The following RIT2 variants were observed in gnomAD, a reference collection of about 807,000 sequenced individuals.
RIT2 encodes the protein GTP-binding protein Rit2.
A neutral mutation model predicts 23.7 loss-of-function variants in RIT2; 24 were observed. The ratio of observed to expected loss-of-function variants is 1.01; its 90% CI spans 0.73 to 1.43. The LOEUF is 1.43. Ranked by LOEUF, RIT2 falls within the 40% of genes most tolerant of loss-of-function variation. The pLI, the probability that RIT2 is intolerant of heterozygous loss-of-function variation, is 0.00. For missense variants in RIT2, 236 were observed against 266.9 expected (o/e 0.88, Z 0.81); for synonymous variants, 107 against 91.1 (o/e 1.17, Z -0.99).
At chr18:43,043,954 T>C (rs1415383611) in intron 1 of RIT2, among the ~76,000 whole-genome samples, 2 of 152,090 alleles carry the variant, frequency 1.3e-5, no homozygotes, top group Non-Finnish European at 2.9e-5. Flanking sequence ...CAAGAATCCA[T>C]AGCACAGGAT....
intron 4 of RIT2, among the ~76,000 whole-genome samples, chr18:42,817,882 G>A (rs961838886): frequency 4.6e-5 from 7 of 151,992 alleles, no homozygotes. Flanking sequence ...AGCATCCAAT[G>A]AGTAGACATT....
chr18:42,800,205 T>C (rs1248639390), intron 4 of RIT2, among the ~76,000 whole-genome samples: 1 of 152,252 alleles, frequency 6.6e-6, no homozygotes, highest in African/African-American at 2.4e-5. Context: ...ATCATTTCTT[T>C]CTTATGTTGC....
intron 1 of RIT2, among the ~76,000 whole-genome samples, chr18:43,049,155 C>T (rs1419217633): frequency 3.3e-5 from 5 of 152,124 alleles, no homozygotes; most frequent in South Asian, 2.1e-4. Context: ...CCAGCACTGA[C>T]GGACATGATG....
At chr18:42,746,131 T>C (rs1418527496) in intron 4 of RIT2, among the ~76,000 whole-genome samples, 1 of 152,096 alleles carries the variant, frequency 6.6e-6, no homozygotes, top group Admixed American at 6.6e-5. Flanking sequence ...TGGGAAATGA[T>C]ATTCCCATAA....
intron 4 of RIT2, among the ~76,000 whole-genome samples, chr18:42,816,309 TC>T (rs1214467513): frequency 6.6e-6 from 1 of 152,164 alleles, no homozygotes; most frequent in African/African-American, 2.4e-5. Flanking sequence ...GGGAGCCAAC[TC>T]TAACACACCA....
rs573032004 is a variant in RIT2, at chr18:42,934,458, T to A, written c.235-10695A>T. Among the ~76,000 whole-genome samples the A allele has an allele frequency of 3.9e-5, 6 of 152,314 alleles. No individual in the cohort carries two copies. In the South Asian group the frequency reaches 1.2e-3, roughly 32 times the overall value. ...GGAAAAATATGGGGATAATGGAGAA[T>A]GATGAGATAATGAGGATATTTGAGT... On this transcript the variant is annotated intron_variant, in intron 3 of 4. Transcript: ENST00000326695.
At chr18:42,814,251 G>T (rs548536428) in intron 4 of RIT2, among the ~76,000 whole-genome samples, 4 of 152,186 alleles carry the variant, frequency 2.6e-5, no homozygotes, top group Non-Finnish European at 5.9e-5. Flanking sequence ...AATCTGGTGT[G>T]CAGACTCCAC....
At chr18:42,891,077 A>T (rs1300608791) in intron 4 of RIT2, among the ~76,000 whole-genome samples, 1 of 152,076 alleles carries the variant, frequency 6.6e-6, no homozygotes, top group Non-Finnish European at 1.5e-5. Context: ...TTAGTGACTA[A>T]AAAAGAGGAA....
intron 2 of RIT2, among the ~76,000 whole-genome samples, chr18:42,981,117 G>T (rs1910588172): frequency 6.6e-6 from 1 of 152,080 alleles, no homozygotes; most frequent in Non-Finnish European, 1.5e-5. Context: ...AGTTCTTTGT[G>T]TCTGCCTCAC....
chr18:43,028,265 A>G (rs1411105309), intron 2 of RIT2, among the ~76,000 whole-genome samples: 1 of 152,062 alleles, frequency 6.6e-6, no homozygotes, highest in Non-Finnish European at 1.5e-5. Flanking sequence ...CTCTCTGAGG[A>G]GATGTATGCA....
At chr18:42,989,194 T>G (rs376138458) in intron 2 of RIT2, among the ~76,000 whole-genome samples, 9 of 152,256 alleles carry the variant, frequency 5.9e-5, no homozygotes, top group African/African-American at 2.2e-4. Context: ...AAGTTTTGTT[T>G]CTGTTCTTGT....
chr18:42,787,334 G>A, intron 4 of RIT2, among the ~76,000 whole-genome samples: 1 of 151,872 alleles, frequency 6.6e-6, no homozygotes, highest in East Asian at 1.9e-4. Context: ...TAAATGGCGA[G>A]TTAATGGGTG....
chr18:42,800,349 T>C (rs1044604566), intron 4 of RIT2, among the ~76,000 whole-genome samples: 5 of 152,146 alleles, frequency 3.3e-5, no homozygotes, highest in Admixed American at 6.5e-5. Context: ...GGTTTCAACC[T>C]TTAGCTGCCC....
chr18:42,911,825 G>A (rs1400366388), intron 4 of RIT2, among the ~76,000 whole-genome samples: 3 of 151,662 alleles, frequency 2.0e-5, no homozygotes, highest in Admixed American at 1.3e-4. Flanking sequence ...AAATTTCCAG[G>A]CCCAGATGGT....
intron 1 of RIT2, among the ~76,000 whole-genome samples, chr18:43,087,663 T>C (rs1913317917): frequency 6.6e-6 from 1 of 152,220 alleles, no homozygotes; most frequent in Admixed American, 6.5e-5. Flanking sequence ...TCTTGTATCA[T>C]CTTTGTCTTC....
At chr18:42,753,998 A>G (rs1051886297) in intron 4 of RIT2, among the ~76,000 whole-genome samples, 3 of 152,212 alleles carry the variant, frequency 2.0e-5, no homozygotes, top group African/African-American at 7.2e-5. Flanking sequence ...TGACACATGG[A>G]AAACCATTCT....
At chr18:42,781,516 G>A (rs953290895) in intron 4 of RIT2, among the ~76,000 whole-genome samples, 2 of 152,070 alleles carry the variant, frequency 1.3e-5, no homozygotes, top group African/African-American at 2.4e-5. Context: ...CTCCCTGGGG[G>A]CCTCAACTGC....
At chr18:43,060,148 T>C (rs968977840) in intron 1 of RIT2, among the ~76,000 whole-genome samples, 3 of 152,076 alleles carry the variant, frequency 2.0e-5, no homozygotes, top group African/African-American at 7.2e-5. Flanking sequence ...TAAAGCAAAC[T>C]TTAGAGAGGA....
chr18:43,075,684 A>C (rs1039893840), intron 1 of RIT2, among the ~76,000 whole-genome samples: 1 of 152,088 alleles, frequency 6.6e-6, no homozygotes, highest in African/African-American at 2.4e-5. Context: ...TCATTTAATT[A>C]TAGTTGGAAT....
Sources: allele counts gnomAD v4.1 joint callset (sites outside exome capture counted in the v4.1 genomes callset), GRCh38; gene constraint gnomAD v4.1.1; transcripts MANE v1.5; gene names NCBI Gene and HGNC (gene_info 2026-07-23, HGNC 2026-07-21).